Variants in NELL1 observed in about 807,000 individuals in gnomAD.
NELL1 encodes the protein protein kinase C-binding protein NELL1.
In NELL1, 76 loss-of-function variants were observed where a neutral mutation model predicts 107.4. That is an observed-to-expected ratio of 0.71 (90% confidence interval 0.59 to 0.86). The LOEUF (loss-of-function observed/expected upper bound fraction) is 0.86, where lower values mean the gene tolerates loss of function less well. Ranked by LOEUF, NELL1 falls within the 40% of genes least tolerant of loss-of-function variation. The pLI is 0.00. For synonymous variants in NELL1, 353 were observed against 341.2 expected (o/e 1.03, Z -0.38); for missense variants, 1,024 against 1,005.5 (o/e 1.02, Z -0.25).
At chr11:21,165,064 T>A (rs1490001039) in intron 13 of NELL1, among the ~76,000 whole-genome samples, 2 of 152,224 alleles carry the variant, frequency 1.3e-5, no homozygotes, top group Non-Finnish European at 2.9e-5. Context: ...TAATTATTCA[T>A]GTTGAGTTAT....
chr11:21,416,627 T>C (rs1488711861), intron 15 of NELL1, among the ~76,000 whole-genome samples: 2 of 152,144 alleles, frequency 1.3e-5, no homozygotes, highest in African/African-American at 4.8e-5. Flanking sequence ...AAGATGTTAA[T>C]ATGGTGATTT....
intron 15 of NELL1, among the ~76,000 whole-genome samples, chr11:21,446,244 T>C (rs765564478): frequency 2.0e-5 from 3 of 152,198 alleles, no homozygotes; most frequent in African/African-American, 7.2e-5. Flanking sequence ...ATACTTTCTC[T>C]GTGTTATCCT....
intron 2 of NELL1, among the ~76,000 whole-genome samples, chr11:20,679,455 C>T (rs916171056): frequency 2.6e-5 from 4 of 152,166 alleles, no homozygotes; most frequent in African/African-American, 9.7e-5. Flanking sequence ...GTGCAGATAA[C>T]TTAAGACTTG....
chr11:21,145,415 C>T (rs908504923), intron 13 of NELL1, among the ~76,000 whole-genome samples: 1 of 152,072 alleles, frequency 6.6e-6, no homozygotes, highest in African/African-American at 2.4e-5. Context: ...CTATTATAAT[C>T]ATTTAAAATG....
rs577957712 is a variant in NELL1 at position 20,827,020 on chromosome 11, C to T, written c.336-20563C>T. Among the ~76,000 whole-genome samples, 10 of 151,254 alleles carry T rather than the reference C, an allele frequency of 6.6e-5. No homozygotes were observed. The South Asian group carries it at 2.1e-3, about 31-fold the overall frequency. ...ACTGGCAGTTAGTTTAACTATAATA[C>T]CTTTGAGAGGTTTATGCTGGAATTG... On this transcript the variant is annotated intron_variant, in intron 3 of 19. Coordinates refer to ENST00000357134, the MANE Select transcript of NELL1 (RefSeq NM_006157.5).
intron 2 of NELL1, among the ~76,000 whole-genome samples, chr11:20,715,014 C>T (rs1023790792): frequency 3.9e-5 from 6 of 152,136 alleles, no homozygotes; most frequent in South Asian, 2.1e-4. Context: ...GAGGCCAAGG[C>T]GGGCGGATCA....
intron 15 of NELL1, among the ~76,000 whole-genome samples, chr11:21,469,791 C>G (rs1057128081): frequency 6.6e-6 from 1 of 151,972 alleles, no homozygotes; most frequent in Non-Finnish European, 1.5e-5. Context: ...GCTATGGAGT[C>G]GAGGGTGGTG....
chr11:21,116,875 T>A (rs953329766), intron 13 of NELL1, among the ~76,000 whole-genome samples: 5 of 152,030 alleles, frequency 3.3e-5, no homozygotes, highest in Non-Finnish European at 5.9e-5. Flanking sequence ...GCAATTTTTT[T>A]AAAAAGAGAA....
At chr11:21,362,891 C>T (rs1259394326) in intron 14 of NELL1, among the ~76,000 whole-genome samples, 1 of 152,056 alleles carries the variant, frequency 6.6e-6, no homozygotes, top group Non-Finnish European at 1.5e-5. Flanking sequence ...GTCCTCAGGT[C>T]AATGGGGTTA....
At chr11:21,033,618 A>G (rs1853016020) in intron 12 of NELL1, among the ~76,000 whole-genome samples, 1 of 151,936 alleles carries the variant, frequency 6.6e-6, no homozygotes, top group African/African-American at 2.4e-5. Context: ...TGTACCATAT[A>G]TTTTTTTAAT....
chr11:21,359,605 G>A (rs1851024869), intron 14 of NELL1, among the ~76,000 whole-genome samples: 1 of 152,100 alleles, frequency 6.6e-6, no homozygotes. Context: ...TCTAATAGAA[G>A]TCAGCTGTGA....
chr11:21,161,911 T>TTCCC (rs1193825457), intron 13 of NELL1, among the ~76,000 whole-genome samples: 1 of 147,178 alleles, frequency 6.8e-6, no homozygotes, highest in Non-Finnish European at 1.5e-5. Flanking sequence ...ACAGTAAAAG[T>TTCCC]TCCCTCTCCA....
chr11:20,947,736 C>T (rs767124630), intron 11 of NELL1, among the ~76,000 whole-genome samples: 13 of 152,112 alleles, frequency 8.5e-5, no homozygotes, highest in Non-Finnish European at 1.6e-4. Context: ...TATAATAATG[C>T]TAATGTTAGT....
chr11:21,352,901 C>T (rs771077705), intron 14 of NELL1, among the ~76,000 whole-genome samples: 3 of 151,990 alleles, frequency 2.0e-5, no homozygotes, highest in African/African-American at 4.8e-5. Flanking sequence ...TCTTTTTGTC[C>T]CTCTTACCTG....
chr11:21,095,946 G>C (rs1854631321), intron 12 of NELL1, among the ~76,000 whole-genome samples: 1 of 152,178 alleles, frequency 6.6e-6, no homozygotes, highest in Admixed American at 6.5e-5. Context: ...GGCAAAGAGA[G>C]AGCTCGTGTA....
chr11:21,045,001 G>A, intron 12 of NELL1, among the ~76,000 whole-genome samples: 1 of 152,156 alleles, frequency 6.6e-6, no homozygotes, highest in East Asian at 1.9e-4. Flanking sequence ...GTTCAAAAAA[G>A]TTTAGAGTTT....
chr11:21,386,018 A>G (rs991662265), intron 15 of NELL1, among the ~76,000 whole-genome samples: 1 of 151,828 alleles, frequency 6.6e-6, no homozygotes, highest in African/African-American at 2.4e-5. Context: ...GCTCAAGATT[A>G]GGTTCCCTCC....
In NELL1 at chr11:20,946,991, T is replaced by C. The variant is rs138095061; in HGVS notation, c.1072-345T>C. Among the ~76,000 whole-genome samples the C allele has an allele frequency of 7.3e-3, 1,114 of 152,092 alleles. 14 individuals carry two copies. The highest frequency in any genetic ancestry group is 0.024 in the African/African-American group (991 of 41,530). ...CTCAAAATCAGCCATCACTGGAGTA[T>C]TTACATCATAGAAATTAGGAAATGT... On this transcript the variant is annotated intron_variant, in intron 10 of 19. Coordinates refer to ENST00000357134, the MANE Select transcript of NELL1 (RefSeq NM_006157.5).
rs922287277 is a variant in NELL1, at chr11:20,975,916, A to T, written c.1300+15356A>T. ...TATATACATATATGTGTATTATATAAACACACATATATGTACATATATGTG... is the reference window on the plus strand; with the variant it reads ...TATATACATATATGTGTATTATATATACACACATATATGTACATATATGTG... On this transcript the variant is annotated intron_variant, in intron 12 of 19. Coordinates refer to ENST00000357134, the MANE Select transcript of NELL1 (RefSeq NM_006157.5). Among the ~76,000 whole-genome samples the T allele has an allele frequency of 1.4e-3, 125 of 89,488 alleles. 1 individual carries two copies. Among genetic ancestry groups the T allele is most frequent in the African/African-American group, 5.9e-3 (110 of 18,570 alleles). 58.7% of individuals were successfully genotyped at this position (89,488 alleles called of 152,430 possible).
Sources: gnomAD v4.1 joint callset for allele counts (sites outside exome capture counted in the v4.1 genomes callset) on GRCh38, gnomAD v4.1.1 for gene constraint, MANE v1.5 for transcripts, NCBI Gene and HGNC (gene_info 2026-07-23, HGNC 2026-07-21) for gene names.